MPP7: variants seen among roughly 807,000 people sequenced by gnomAD.
MPP7 encodes MAGUK p55 scaffold protein 7.
Under a neutral mutation model 76.5 loss-of-function variants are expected in MPP7, and 60 were observed. That is an observed-to-expected ratio of 0.78 (90% CI 0.64 to 0.97). MPP7 has a LOEUF of 0.97. MPP7 is among the 50% of genes least tolerant of loss of function. MPP7 has a pLI of 0.00. For missense variants in MPP7, 641 were observed against 694.0 expected (o/e 0.92, Z 0.86); for synonymous variants, 237 against 244.5 (o/e 0.97, Z 0.29).
intron 5 of MPP7, among the ~76,000 whole-genome samples, chr10:28,145,202 C>T (rs12241121): frequency 2.0e-5 from 3 of 152,122 alleles, no homozygotes; most frequent in East Asian, 1.9e-4. Flanking sequence ...CTTGAGCCAC[C>T]GTGCCTGGCC....
chr10:28,320,989 A>T (rs1447502353), intron 2 of MPP7, among the ~76,000 whole-genome samples: 1 of 152,122 alleles, frequency 6.6e-6, no homozygotes, highest in East Asian at 1.9e-4. Flanking sequence ...CTCAGGCCCC[A>T]TGCCCACTCT....
intron 11 of MPP7, among the ~76,000 whole-genome samples, chr10:28,097,719 T>C (rs79385252): frequency 1.3e-5 from 2 of 152,130 alleles, no homozygotes; most frequent in East Asian, 3.9e-4. Context: ...AAAAACATAA[T>C]TTTTTCCTGA....
chr10:28,280,847 T>G (rs1035227230), intron 1 of MPP7, among the ~76,000 whole-genome samples: 3 of 151,992 alleles, frequency 2.0e-5, no homozygotes, highest in Admixed American at 1.3e-4. Flanking sequence ...CAAATGGGCA[T>G]GTGCCTGGCA....
intron 16 of MPP7, among the ~76,000 whole-genome samples, chr10:28,054,479 C>T (rs902417655): frequency 2.6e-5 from 4 of 152,138 alleles, no homozygotes; most frequent in Non-Finnish European, 5.9e-5. Context: ...GTCAAAACTC[C>T]TGCCTTAACT....
chr10:28,127,689 C>T (rs112274308), intron 6 of MPP7, among the ~76,000 whole-genome samples: 20 of 152,242 alleles, frequency 1.3e-4, no homozygotes, highest in African/African-American at 3.9e-4. Context: ...GTCCCTCCCA[C>T]GACACGTGGT....
intron 11 of MPP7, among the ~76,000 whole-genome samples, chr10:28,107,216 T>C (rs74757067): frequency 0.012 from 1,828 of 152,250 alleles, 51 homozygotes; most frequent in East Asian, 0.11. Context: ...TTATCCCCCA[T>C]GCTACCTGGA....
intron 13 of MPP7, 30 bp downstream of exon 13, chr10:28,069,742 C>G (rs2133364368): frequency 6.5e-7 from 1 of 1,544,684 alleles, no homozygotes; most frequent in East Asian, 2.3e-5. Context: ...TAAGTGTAGT[C>G]ATAGGAACAC....
At chr10:28,129,933 G>A (rs983105934) in intron 6 of MPP7, among the ~76,000 whole-genome samples, 1 of 152,076 alleles carries the variant, frequency 6.6e-6, no homozygotes, top group African/African-American at 2.4e-5. Context: ...ATTTAGGATC[G>A]AAATCTACTC....
chr10:28,310,834 T>G (rs977106532), intron 2 of MPP7, among the ~76,000 whole-genome samples: 5 of 152,216 alleles, frequency 3.3e-5, no homozygotes, highest in African/African-American at 1.2e-4. Flanking sequence ...GAATTCTAAG[T>G]CTATAAGTGT....
intron 5 of MPP7, among the ~76,000 whole-genome samples, chr10:28,134,083 G>A (rs1835279417): frequency 6.6e-6 from 1 of 152,084 alleles, no homozygotes; most frequent in Non-Finnish European, 1.5e-5. Flanking sequence ...TAGAATGTCT[G>A]GGTCATAGAT....
At chr10:28,322,920 G>A (rs570423954) in intron 2 of MPP7, among the ~76,000 whole-genome samples, 4 of 152,176 alleles carry the variant, frequency 2.6e-5, no homozygotes, top group Non-Finnish European at 4.4e-5. Context: ...CTGGGAGGTC[G>A]AGACAGGCAG....
At chr10:28,146,027 A>G (rs534358252) in intron 5 of MPP7, among the ~76,000 whole-genome samples, 154 of 152,236 alleles carry the variant, frequency 1.0e-3, no homozygotes, top group Non-Finnish European at 1.9e-3. Flanking sequence ...CATTTCTAAT[A>G]CCCTTGAACC....
At chr10:28,164,003 T>C (rs754575477) in intron 3 of MPP7, among the ~76,000 whole-genome samples, 2 of 150,710 alleles carry the variant, frequency 1.3e-5, no homozygotes, top group Non-Finnish European at 2.9e-5. Context: ...TCTGAAGAAG[T>C]AGAGATCAAA....
rs1434720115 is a variant in MPP7, at chr10:28,292,799, C to A, written c.-132+10062G>T. On this transcript the variant is annotated intron_variant, in intron 1 of 16. Coordinates refer to ENST00000683449, the MANE Select transcript of MPP7 (RefSeq NM_001318170.2). ...ACTGTGAAATTAGAACAGAAACAGA[C>A]AAATTGATCAGAACAGAGCAGGGAG... 2.6e-5 allele frequency among the ~76,000 whole-genome samples: 4 copies of A among 151,906 alleles called. No homozygotes were observed. The East Asian group carries it at 7.7e-4, about 29-fold the overall frequency.
Position 28,303,020 on chromosome 10 carries a change from C to T in MPP7, c.-291G>A, listed in dbSNP as rs960311716. Among the ~76,000 whole-genome samples the T allele has an allele frequency of 1.3e-5, 2 of 150,176 alleles. No homozygotes were observed. The highest frequency in any genetic ancestry group is 4.8e-5 in the African/African-American group (2 of 41,326). ...CGCGGCGGGCGCAGAACGCACGAGC[C>T]CAGTGGGAGCCCGGCCCCCGCCTCC... On this transcript the variant is annotated 5_prime_UTR_variant, in exon 1 of 17. Transcript: ENST00000683449.
At chr10:28,262,251 ATATATATG>A (rs1391100021) in intron 1 of MPP7, among the ~76,000 whole-genome samples, 8 of 56,682 alleles carry the variant, frequency 1.4e-4, no homozygotes, top group African/African-American at 7.7e-4. Flanking sequence ...ATACATATAT[ATATATATG>A]TATATATATA....
At chr10:28,279,431 G>A (rs886498765) in intron 1 of MPP7, among the ~76,000 whole-genome samples, 4 of 151,938 alleles carry the variant, frequency 2.6e-5, no homozygotes, top group African/African-American at 9.7e-5. Context: ...TGCACAGCAT[G>A]CTCTTTAAGA....
intron 3 of MPP7, among the ~76,000 whole-genome samples, chr10:28,162,016 A>C (rs1836278975): frequency 6.6e-6 from 1 of 152,224 alleles, no homozygotes; most frequent in African/African-American, 2.4e-5. Flanking sequence ...AAAGCAATTG[A>C]ATTCAAATCT....
At chr10:28,271,730 C>T (rs1327275917) in intron 1 of MPP7, among the ~76,000 whole-genome samples, 1 of 152,150 alleles carries the variant, frequency 6.6e-6, no homozygotes, top group Non-Finnish European at 1.5e-5. Flanking sequence ...AATCCCAGCA[C>T]TTTGGGAGGC....
Sources: gnomAD v4.1 joint callset for allele counts (sites outside exome capture counted in the v4.1 genomes callset) on GRCh38, gnomAD v4.1.1 for gene constraint, MANE v1.5 for transcripts, NCBI Gene and HGNC (gene_info 2026-07-23, HGNC 2026-07-21) for gene names.